The following NR1I2 variants were observed in gnomAD, a reference collection of about 807,000 sequenced individuals.
NR1I2 encodes nuclear receptor subfamily 1 group I member 2, also known as orphan nuclear receptor PAR1.
Under a neutral mutation model 43.3 loss-of-function variants are expected in NR1I2, and 42 were observed. That is an observed-to-expected ratio of 0.97 (90% CI 0.76 to 1.26). The LOEUF (loss-of-function observed/expected upper bound fraction) is 1.26, where lower values mean the gene tolerates loss of function less well. NR1I2 is among the 50% of genes most tolerant of loss of function. The pLI is 0.00. For missense variants in NR1I2, 559 were observed against 566.7 expected, an observed-to-expected ratio of 0.99 and a Z score of 0.14; for synonymous variants, 229 against 215.0, an observed-to-expected ratio of 1.06 and a Z score of -0.57.
chr3:119,814,887 C>A (rs1162019192), intron 5 of NR1I2, 92 bp from the exon 6 acceptor site: 4 of 1,540,940 alleles, frequency 2.6e-6, no homozygotes, highest in Non-Finnish European at 2.7e-6. Context: ...CTTCCTCTCG[C>A]CCCCAACTTC....
At chr3:119,807,079 C>T in intron 1 of NR1I2, 150 bp from the exon 2 acceptor site, 2 of 708,252 alleles carry the variant, frequency 2.8e-6, no homozygotes, top group East Asian at 2.7e-5. Context: ...TTCCAACCCC[C>T]ATTCCCCGCT....
In NR1I2 at chr3:119,815,738, T is replaced by G. The variant is rs140256022; in HGVS notation, c.1067T>G (p.Val356Gly). 6.2e-7 allele frequency: 1 copy of G among 1,613,416 alleles called. No homozygotes were observed. The highest frequency in any genetic ancestry group is 8.5e-7 in the Non-Finnish European group (1 of 1,179,746). Residue 356 changes from valine (V) to glycine (G), a missense_variant, in exon 8 of 9, where the codon GTG (valine) becomes GGG (glycine). Around this residue, in one of 3 missense-constraint regions of NR1I2, gnomAD observed 323 missense variants for 312.2 expected, o/e 1.03. Coordinates refer to ENST00000393716, the MANE Select transcript of NR1I2 (RefSeq NM_003889.4). ...CCCTCCCCTCCAGACCGCCCAGGTGTGCTGCAGCACCGCGTGGTGGACCAG... is the reference window on the plus strand; with the variant it reads ...CCCTCCCCTCCAGACCGCCCAGGTGGGCTGCAGCACCGCGTGGTGGACCAG...
chr3:119,794,628 A>G (rs1399402343), intron 1 of NR1I2, among the ~76,000 whole-genome samples: 1 of 151,862 alleles, frequency 6.6e-6, no homozygotes, highest in East Asian at 1.9e-4. Flanking sequence ...CCTGGCCTAT[A>G]TTCTTTTTTC....
chr3:119,787,716 G>T (rs1435834720), intron 1 of NR1I2, among the ~76,000 whole-genome samples: 2 of 104,826 alleles, frequency 1.9e-5, no homozygotes, highest in Non-Finnish European at 4.3e-5. Context: ...TGGTGTGTAT[G>T]TGTATCTTGG....
In NR1I2 at chr3:119,810,132, C is replaced by T; in HGVS notation, c.269C>T (p.Thr90Ile). Residue 90 changes from threonine to isoleucine, a missense_variant, in exon 3 of 9, where the codon ACC (threonine) becomes ATC (isoleucine). This residue lies in a region of NR1I2 where 232 missense variants were observed against 236.6 expected (regional missense o/e 0.98). Coordinates refer to ENST00000393716, the MANE Select transcript of NR1I2 (RefSeq NM_003889.4). ...GGCGCCTGCGAGATCACCCGGAAGA[C>T]CCGGCGACAGTGCCAGGCCTGCCGC... 1.2e-6 allele frequency: 2 copies of T among 1,613,438 alleles called. No homozygotes were observed. The highest frequency in any genetic ancestry group is 1.7e-6 in the Non-Finnish European group (2 of 1,179,868).
chr3:119,791,448 G>C (rs2054917567), intron 1 of NR1I2, among the ~76,000 whole-genome samples: 1 of 152,140 alleles, frequency 6.6e-6, no homozygotes, highest in Admixed American at 6.5e-5. Flanking sequence ...CACCAATGTT[G>C]ACAGCTCATG....
chr3:119,815,835 A>G lies in NR1I2; in HGVS notation c.1160+4A>G, dbSNP rs748837743. 20 of 1,602,298 alleles carry G rather than the reference A, an allele frequency of 1.2e-5. No individual in the cohort carries two copies. Among genetic ancestry groups the G allele is most frequent in the Non-Finnish European group, 1.7e-5 (20 of 1,173,692 alleles). ...ATCGGCCCCAGCCTGCTCATAGGTG[A>G]GCACAGCAGGGGGTGAGGACCCGTG... On this transcript the variant is annotated splice_donor_region_variant and intron_variant, in intron 8 of 8. Transcript: ENST00000393716.
At chr3:119,788,298 G>T (rs1321669946) in intron 1 of NR1I2, among the ~76,000 whole-genome samples, 1 of 151,702 alleles carries the variant, frequency 6.6e-6, no homozygotes, top group African/African-American at 2.4e-5. Flanking sequence ...ATTTATTTTT[G>T]GTAGAGACAA....
intron 4 of NR1I2, among the ~76,000 whole-genome samples, chr3:119,812,115 C>T (rs992959252): frequency 2.6e-5 from 4 of 151,720 alleles, no homozygotes; most frequent in Non-Finnish European, 5.9e-5. Context: ...AGGCAGTTCC[C>T]CAGTGTTGCT....
At chr3:119,784,771 C>G (rs945749539) in intron 1 of NR1I2, among the ~76,000 whole-genome samples, 2 of 152,184 alleles carry the variant, frequency 1.3e-5, no homozygotes, top group Non-Finnish European at 2.9e-5. Context: ...AATATCACCT[C>G]TATCATGTAC....
At chr3:119,809,996 C>T (rs1242431166) in intron 2 of NR1I2, 65 bp from the exon 3 acceptor site, 3 of 1,602,918 alleles carry the variant, frequency 1.9e-6, no homozygotes, top group Non-Finnish European at 1.7e-6. Flanking sequence ...TGGTATGGCC[C>T]GGAGCCCCAG....
intron 1 of NR1I2, among the ~76,000 whole-genome samples, chr3:119,793,810 C>T (rs1477634708): frequency 1.3e-5 from 2 of 152,142 alleles, no homozygotes; most frequent in Non-Finnish European, 2.9e-5. Flanking sequence ...GGCCTTTATT[C>T]TATCTACCAT....
intron 1 of NR1I2, chr3:119,792,515 C>T: frequency 9.4e-7 from 1 of 1,068,936 alleles, no homozygotes; most frequent in Non-Finnish European, 1.4e-6. Context: ...CACCAATCTG[C>T]CGGCAGGGCA....
At chr3:119,797,409 C>A (rs2055016671) in intron 1 of NR1I2, among the ~76,000 whole-genome samples, 1 of 152,126 alleles carries the variant, frequency 6.6e-6, no homozygotes, top group Admixed American at 6.5e-5. Context: ...GTCTACCATA[C>A]CTCCTTCTTC....
intron 1 of NR1I2, chr3:119,782,637 G>A (rs1403991387): frequency 1.4e-6 from 1 of 734,054 alleles, no homozygotes; most frequent in Non-Finnish European, 2.4e-6. Context: ...CTGGACCCAG[G>A]AAATACCACC....
Position 119,815,352 on chromosome 3 carries a change from A to G in NR1I2, c.967A>G (p.Met323Val). ...CTTCCAGCAACTTCTACTGGAGCCC[A>G]TGCTGAAATTCCACTACATGCTGAA... The change falls in exon 7 of 9, where the codon ATG becomes GTG. Residue 323 changes from methionine to valine, a missense_variant. Physicochemically the swap from Met to Val is conservative, Grantham distance 21. Transcript: ENST00000393716. 1 of 1,614,046 alleles carries G rather than the reference A, an allele frequency of 6.2e-7. No individual in the cohort carries two copies.
chr3:119,793,097 T>A (rs998823115), intron 1 of NR1I2, among the ~76,000 whole-genome samples: 6 of 152,134 alleles, frequency 3.9e-5, no homozygotes, highest in African/African-American at 1.4e-4. Context: ...CGGCTCGCAC[T>A]TCACCTTCCA....
At chr3:119,811,791 GT>G (rs1202127820) in intron 4 of NR1I2, 65 bp downstream of exon 4, 5 of 1,459,906 alleles carry the variant, frequency 3.4e-6, no homozygotes, top group Non-Finnish European at 4.7e-6. Flanking sequence ...AGAAACTGAG[GT>G]TCCCCAAGGA....
At chr3:119,782,806 C>T (rs749592912) in intron 1 of NR1I2, 4 of 1,614,080 alleles carry the variant, frequency 2.5e-6, no homozygotes, top group African/African-American at 1.3e-5. Flanking sequence ...CCTCAGAGCA[C>T]CTGCCATACC....
Sources: gnomAD v4.1 joint callset for allele counts (sites outside exome capture counted in the v4.1 genomes callset) on GRCh38, gnomAD v4.1.1 for gene constraint, gnomAD v4.1.1 regional missense constraint, MANE v1.5 for transcripts, NCBI Gene and HGNC (gene_info 2026-07-23, HGNC 2026-07-21) for gene names.